Variants in BOC observed in about 807,000 individuals in gnomAD.
BOC encodes BOC cell adhesion associated, oncogene regulated.
A neutral mutation model predicts 112.0 loss-of-function variants in BOC; 76 were observed. The observed-to-expected ratio is 0.68, with a 90% CI of 0.56 to 0.82. The LOEUF (loss-of-function observed/expected upper bound fraction) is 0.82. BOC is among the 40% of genes least tolerant of loss of function. The pLI is 0.00. For missense variants in BOC, 1,309 were observed against 1,511.7 expected, an observed-to-expected ratio of 0.87 and a Z score of 2.22; for synonymous variants, 580 against 599.8, an observed-to-expected ratio of 0.97 and a Z score of 0.48.
chr3:113,270,840 TGA>T lies in BOC; in HGVS notation c.564_565del (p.Asn189CysfsTer38). 6.2e-7 allele frequency: 1 copy of T among 1,613,974 alleles called. No homozygotes were observed. The highest frequency in any genetic ancestry group is 2.2e-5 in the East Asian group (1 of 44,874). ...ATGCCCTCAGGGAACCTCCAGATTG[TGA>T]ATGCCAGCCAGGAGGACGAGGGCAT... is the stretch of plus-strand genomic sequence containing the variant. On this transcript the variant is annotated frameshift_variant, in exon 6 of 20. Transcript: ENST00000682979. LOFTEE classifies it high-confidence loss of function.
Position 113,286,880 on chromosome 3 carries a change from A to G in BOC, c.*18A>G, listed in dbSNP as rs1576526659. On this transcript the variant is annotated 3_prime_UTR_variant, in exon 20 of 20. Transcript: ENST00000682979. Reference sequence around the variant, plus strand: ...CAATTTAGGCAGAAGCTGATATCCCAGAAAGACTATATATTGTTTTTTTTT... The same window carrying G: ...CAATTTAGGCAGAAGCTGATATCCCGGAAAGACTATATATTGTTTTTTTTT... The G allele has an allele frequency of 3.2e-6, 5 of 1,544,492 alleles. No individual in the cohort carries two copies. The South Asian group carries it at 6.2e-5, about 19-fold the overall frequency.
At chr3:113,238,380 C>CT (rs1055398651) in intron 2 of BOC, among the ~76,000 whole-genome samples, 3 of 152,112 alleles carry the variant, frequency 2.0e-5, no homozygotes, top group Non-Finnish European at 4.4e-5. Context: ...CACGTATTCT[C>CT]TTTTTTCTTT....
chr3:113,273,362 T>G (rs1275206087), intron 8 of BOC, 21 bp downstream of exon 8: 1 of 1,568,268 alleles, frequency 6.4e-7, no homozygotes, highest in South Asian at 1.1e-5. Context: ...CCCAGGGGTC[T>G]GAGATTCCAG....
rs200467496 is a variant in BOC, at chr3:113,272,616, G to C, written c.874G>C (p.Glu292Gln). The change falls in exon 7 of 20, where the codon GAG (glutamate) becomes CAG (glutamine). Residue 292 changes from glutamate to glutamine, a missense_variant. By Grantham distance (29) the Glu-to-Gln change is conservative (BLOSUM62 2). Transcript: ENST00000682979. ...SNLLIDTTSE[E>Q]DSGTYRCMAD... The stretch of plus-strand genomic sequence containing the variant: ...CCTCCTCATCGACACCACCAGCGAG[G>C]AGGACTCAGGCACCTACCGCTGCAT... 10 of 1,614,026 alleles carry C rather than the reference G, an allele frequency of 6.2e-6. No individual in the cohort carries two copies. The East Asian group carries it at 2.2e-4, about 36-fold the overall frequency.
Position 113,285,494 on chromosome 3 carries a change from GC to G in BOC, c.3091del (p.Gln1031SerfsTer4), listed in dbSNP as rs1949593092. 1 of 1,613,856 alleles carries G rather than the reference GC, an allele frequency of 6.2e-7. No homozygotes were observed. The highest frequency in any genetic ancestry group is 1.3e-5 in the African/African-American group (1 of 74,954). ...CQRQEQPAAV[G>X]QSGVRRAPDS... is the part of the protein sequence containing the mutation. ...CGCCAGGAGCAGCCTGCTGCTGTGG[GC>G]CAGTCAGGGGTGAGGAGAGCCCCCG... On this transcript the variant is annotated frameshift_variant, in exon 19 of 20. Transcript: ENST00000682979. LOFTEE classifies it high-confidence loss of function.
intron 2 of BOC, among the ~76,000 whole-genome samples, chr3:113,236,707 A>G (rs556998330): frequency 5.8e-4 from 89 of 152,312 alleles, no homozygotes; most frequent in African/African-American, 2.0e-3. Context: ...AAGATGAGCA[A>G]TGAACATTTT....
intron 9 of BOC, among the ~76,000 whole-genome samples, chr3:113,276,449 G>T (rs1042685864): frequency 6.6e-6 from 1 of 152,216 alleles, no homozygotes; most frequent in Non-Finnish European, 1.5e-5. Context: ...CCCCTGCTGC[G>T]TCTGGCTTCT....
intron 19 of BOC, 115 bp downstream of exon 19, chr3:113,285,680 C>T: frequency 3.7e-6 from 4 of 1,089,538 alleles, no homozygotes; most frequent in Non-Finnish European, 5.1e-6. Context: ...GAGCCAGCCA[C>T]AGCATTTATG....
chr3:113,230,115 A>G (rs1942361411), intron 2 of BOC, among the ~76,000 whole-genome samples: 1 of 152,252 alleles, frequency 6.6e-6, no homozygotes, highest in African/African-American at 2.4e-5. Flanking sequence ...ACCTAGGTTA[A>G]GAAATGAGAA....
intron 16 of BOC, 38 bp downstream of exon 16, chr3:113,283,670 G>A: frequency 6.3e-7 from 1 of 1,578,614 alleles, no homozygotes; most frequent in Non-Finnish European, 8.7e-7. Context: ...GATCCTGGGT[G>A]GGAAATGGGG....
intron 2 of BOC, among the ~76,000 whole-genome samples, chr3:113,225,280 A>G (rs1285423121): frequency 1.3e-5 from 2 of 150,902 alleles, no homozygotes; most frequent in Non-Finnish European, 3.0e-5. Flanking sequence ...TCAAAAAAAA[A>G]AACAACAAAA....
At chr3:113,246,475 C>T (rs1023643021) in intron 2 of BOC, among the ~76,000 whole-genome samples, 7 of 152,058 alleles carry the variant, frequency 4.6e-5, no homozygotes, top group Non-Finnish European at 5.9e-5. Flanking sequence ...CGTTACTTGC[C>T]TTTTTTCCCG....
chr3:113,236,228 ATGTGTGTG>A lies in BOC; in HGVS notation c.-81-13462_-81-13455del, dbSNP rs765387902. The stretch of plus-strand genomic sequence containing the variant: ...TATATATATACGTGTATATACGTAT[ATGTGTGTG>A]TGTGTGTGTGTGTGTGTGTGTGTGT... On this transcript the variant is annotated intron_variant, in intron 2 of 19. Coordinates refer to ENST00000682979, the MANE Select transcript of BOC (RefSeq NM_001378074.1). Among the ~76,000 whole-genome samples, 120 of 78,060 alleles carry A rather than the reference ATGTGTGTG, an allele frequency of 1.5e-3. 3 individuals are homozygous for A. The highest frequency in any genetic ancestry group is 4.6e-3 in the African/African-American group (91 of 19,934). 51.2% of individuals were successfully genotyped at this position (78,060 alleles called of 152,430 possible).
chr3:113,224,451 T>C (rs977665111), intron 2 of BOC, among the ~76,000 whole-genome samples: 6 of 151,728 alleles, frequency 4.0e-5, no homozygotes, highest in Non-Finnish European at 7.3e-5. Context: ...CAAGGCATTC[T>C]GGAGGACAGG....
At chr3:113,232,001 G>A (rs139370790) in intron 2 of BOC, among the ~76,000 whole-genome samples, 1 of 152,260 alleles carries the variant, frequency 6.6e-6, no homozygotes, top group Non-Finnish European at 1.5e-5. Flanking sequence ...CATTAGTCAT[G>A]GTGGATGGCT....
rs1396125776 is a variant in BOC at position 113,274,354 on chromosome 3, T to G, written c.1235-21T>G. On this transcript the variant is annotated intron_variant, in intron 8 of 19. Coordinates refer to ENST00000682979, the MANE Select transcript of BOC (RefSeq NM_001378074.1). The surrounding 1 kb of genome is among the most constrained non-coding windows in gnomAD (Gnocchi z 4.8). ...AAACCAGGAGACTAACCTTTCCTTC[T>G]GCTTCCTGTTGGTCCTCCAGGCATA... 2 of 1,491,024 alleles carry G rather than the reference T, an allele frequency of 1.3e-6. No individual in the cohort carries two copies. Among genetic ancestry groups the G allele is most frequent in the South Asian group, 2.7e-5 (2 of 72,890 alleles). The allele number at this position is 1,491,024 out of a possible 1,614,324, so 92.4% of individuals were successfully genotyped here. A position where few individuals can be genotyped will look rare whatever the true frequency, so the allele number is the denominator to read the frequency against.
Position 113,273,220 on chromosome 3 carries a change from C to T in BOC, c.1113C>T (p.Leu371=). Reference sequence around the variant, plus strand: ...TCATCTCCAGCCAGCGCCTCCGGCTCTCCCGCAGGGCCCTGCGCGTGCTCA... The same window carrying T: ...TCATCTCCAGCCAGCGCCTCCGGCTTTCCCGCAGGGCCCTGCGCGTGCTCA... ...VPLISSQRLR[L]SRRALRVLSM... is the part of the protein sequence containing the mutation. The change falls in exon 8 of 20, where the codon CTC becomes CTT. Residue 371 remains leucine (L), a synonymous_variant. Coordinates refer to ENST00000682979, the MANE Select transcript of BOC (RefSeq NM_001378074.1). 1 of 1,613,746 alleles carries T rather than the reference C, an allele frequency of 6.2e-7. No homozygotes were observed. Among genetic ancestry groups the T allele is most frequent in the Middle Eastern group, 1.6e-4 (1 of 6,062 alleles).
intron 15 of BOC, 127 bp downstream of exon 15, chr3:113,281,280 T>A: frequency 8.8e-7 from 1 of 1,137,634 alleles, no homozygotes; most frequent in South Asian, 1.6e-5. Context: ...CCAAATACCC[T>A]CAGACTTGGT....
intron 3 of BOC, 147 bp from the exon 4 acceptor site, chr3:113,250,408 G>C (rs1945470595): frequency 2.2e-6 from 2 of 900,870 alleles, no homozygotes; most frequent in African/African-American, 3.3e-5. Flanking sequence ...GGCAGGTTGG[G>C]AAATGGACAA....
Sources: allele counts gnomAD v4.1 joint callset (sites outside exome capture counted in the v4.1 genomes callset), GRCh38; gene constraint gnomAD v4.1.1; non-coding constraint Gnocchi (gnomAD v3.1); transcripts MANE v1.5; gene names NCBI Gene and HGNC (gene_info 2026-07-23, HGNC 2026-07-21).